Variants in PSPH observed in about 807,000 individuals in gnomAD.
The protein encoded by PSPH is L-3-phosphoserine phosphatase.
In PSPH, 16 loss-of-function variants were observed where a neutral mutation model predicts 23.4. That is an observed-to-expected ratio of 0.68 (90% CI 0.46 to 1.04). The LOEUF is 1.04. Among genes scored for constraint, PSPH ranks in the 50% least tolerant of loss-of-function variants. The pLI, the probability that PSPH is intolerant of heterozygous loss-of-function variation, is 0.00. For synonymous variants in PSPH, 68 were observed against 99.7 expected, an observed-to-expected ratio of 0.68 and a Z score of 1.89; for missense variants, 223 against 273.7, an observed-to-expected ratio of 0.81 and a Z score of 1.31.
intron 3 of PSPH, among the ~76,000 whole-genome samples, chr7:56,029,420 C>T: frequency 6.7e-6 from 1 of 150,176 alleles, no homozygotes; most frequent in Non-Finnish European, 1.5e-5. Context: ...CTGCCTTCTG[C>T]AGCTCAGAAC....
At position 56,028,794 on chromosome 7, in the gene PSPH, A is replaced by C. The variant is rs117234593; in HGVS notation, c.-20+3135T>G. Among the ~76,000 whole-genome samples, 1,512 of 151,754 alleles carry C rather than the reference A, an allele frequency of 1.0e-2. 11 individuals carry two copies. The highest frequency in any genetic ancestry group is 0.014 in the Non-Finnish European group (941 of 67,918). On this transcript the variant is annotated intron_variant, in intron 3 of 7. Transcript: ENST00000275605. ...TGCAAAATGGTGCACCTCCCTGTAC[A>C]CTTTTGATTTCCTCCTTCTTAATTT...
At chr7:56,044,215 T>C (rs36044787) in intron 1 of PSPH, among the ~76,000 whole-genome samples, 2,733 of 152,256 alleles carry the variant, frequency 0.018, 54 homozygotes, top group Admixed American at 0.048. Flanking sequence ...GTGCTGGGAT[T>C]ACAGGCATGA....
chr7:56,050,566 C>A (rs1400117142), intron 1 of PSPH, among the ~76,000 whole-genome samples: 1 of 152,148 alleles, frequency 6.6e-6, no homozygotes, highest in Admixed American at 6.6e-5. Flanking sequence ...CAGCCCTGGC[C>A]CCTAGTTGAG....
intron 3 of PSPH, among the ~76,000 whole-genome samples, chr7:56,031,027 A>T (rs1271468183): frequency 4.0e-5 from 6 of 151,042 alleles, no homozygotes; most frequent in African/African-American, 9.7e-5. Context: ...CTGGCTAACA[A>T]GGTGAAACCC....
chr7:56,024,714 C>T (rs1004807824), intron 3 of PSPH, among the ~76,000 whole-genome samples: 1 of 151,760 alleles, frequency 6.6e-6, no homozygotes, highest in Admixed American at 6.6e-5. Context: ...TGACACTGCA[C>T]TGCAGCCTGG....
intron 3 of PSPH, among the ~76,000 whole-genome samples, chr7:56,025,912 T>TA (rs1268072128): frequency 6.6e-6 from 1 of 152,240 alleles, no homozygotes; most frequent in East Asian, 1.9e-4. Flanking sequence ...TGTGTTTTTT[T>TA]ATTCCTCTAC....
intron 3 of PSPH, among the ~76,000 whole-genome samples, chr7:56,024,960 C>T (rs1398228566): frequency 5.9e-5 from 9 of 151,508 alleles, no homozygotes; most frequent in Admixed American, 4.0e-4. Context: ...CATGCCACCA[C>T]GCCCAGCTAA....
intron 1 of PSPH, among the ~76,000 whole-genome samples, chr7:56,046,829 A>G (rs1793315355): frequency 1.3e-5 from 2 of 150,628 alleles, no homozygotes; most frequent in Non-Finnish European, 3.0e-5. Flanking sequence ...GGCTAGGATT[A>G]TAGACATCAG....
chr7:56,017,105 A>G, intron 6 of PSPH, 129 bp downstream of exon 6: 1 of 1,497,672 alleles, frequency 6.7e-7, no homozygotes, highest in Non-Finnish European at 9.1e-7. Context: ...AAAGACATCA[A>G]TTAAGAGAAC....
chr7:56,038,417 C>A (rs1792027470), intron 1 of PSPH, among the ~76,000 whole-genome samples: 1 of 151,994 alleles, frequency 6.6e-6, no homozygotes, highest in Non-Finnish European at 1.5e-5. Flanking sequence ...GGAGATCGCG[C>A]CACTGCACTC....
chr7:56,016,000 A>G (rs1363534028), intron 6 of PSPH, among the ~76,000 whole-genome samples: 1 of 152,072 alleles, frequency 6.6e-6, no homozygotes, highest in Non-Finnish European at 1.5e-5. Flanking sequence ...TATGTCACCC[A>G]AGAGGAAATT....
At chr7:56,038,842 C>CA (rs199739447) in intron 1 of PSPH, among the ~76,000 whole-genome samples, 6 of 150,350 alleles carry the variant, frequency 4.0e-5, no homozygotes, top group Admixed American at 3.3e-4. Context: ...CTCCGTCCCC[C>CA]AAAAAAAAGA....
At chr7:56,015,287 T>C in intron 6 of PSPH, 116 bp from the exon 7 acceptor site, 1 of 1,193,418 alleles carries the variant, frequency 8.4e-7, no homozygotes, top group Non-Finnish European at 1.2e-6. Flanking sequence ...AAAATGGCCG[T>C]CGGTAAAGTC....
chr7:56,032,431 C>T (rs1225199462), intron 2 of PSPH, among the ~76,000 whole-genome samples: 1 of 146,630 alleles, frequency 6.8e-6, no homozygotes, highest in Admixed American at 6.8e-5. Context: ...GAGGCTAAGG[C>T]GGGCGGATCA....
rs934847371 is a variant in PSPH at position 56,013,477 on chromosome 7, C to T, written c.570+1546G>A. ...AGGCTGCAATGAGCTGAGATTGCACCACTGCACTCCGGCCTAGGTGACAGA... is the reference window on the plus strand; with the variant it reads ...AGGCTGCAATGAGCTGAGATTGCACTACTGCACTCCGGCCTAGGTGACAGA... On this transcript the variant is annotated intron_variant, in intron 7 of 7. Coordinates refer to ENST00000275605, the MANE Select transcript of PSPH (RefSeq NM_004577.4). Among the ~76,000 whole-genome samples the T allele has an allele frequency of 1.3e-4, 19 of 151,826 alleles. No homozygotes were observed. The South Asian group carries it at 1.5e-3, about 12-fold the overall frequency.
chr7:56,036,893 G>C (rs1250241558), intron 1 of PSPH, among the ~76,000 whole-genome samples: 1 of 152,064 alleles, frequency 6.6e-6, no homozygotes, highest in Non-Finnish European at 1.5e-5. Context: ...GCTTCATCAG[G>C]CCGGGCACAG....
chr7:56,031,312 TG>T (rs1790975929), intron 3 of PSPH, among the ~76,000 whole-genome samples: 1 of 152,040 alleles, frequency 6.6e-6, no homozygotes, highest in African/African-American at 2.4e-5. Context: ...AACTACCTAC[TG>T]GGTACTGCGC....
At position 56,021,087 on chromosome 7, in the gene PSPH, G is replaced by T; in HGVS notation, c.126C>A (p.Asp42Glu). The T allele has an allele frequency of 6.4e-7, 1 of 1,555,552 alleles. No individual in the cohort carries two copies. Among genetic ancestry groups the T allele is most frequent in the Non-Finnish European group, 8.7e-7 (1 of 1,153,556 alleles). The change falls in exon 4 of 8, where the codon GAC becomes GAA. Residue 42 changes from aspartate to glutamate, a missense_variant. Coordinates refer to ENST00000275605, the MANE Select transcript of PSPH (RefSeq NM_004577.4). ...DELAKICGVE[D>E]AVSEMTRRAM... ...GCTATCCCTACATTTCTGACACCGCGTCCTCAACGCCACAGATTTTGGCTA... is the reference window on the plus strand; with the variant it reads ...GCTATCCCTACATTTCTGACACCGCTTCCTCAACGCCACAGATTTTGGCTA...
intron 1 of PSPH, chr7:56,043,352 T>A (rs1792797476): frequency 6.6e-6 from 1 of 151,574 alleles, no homozygotes; most frequent in African/African-American, 2.4e-5. Context: ...AACCCAAACA[T>A]TAGAACAAAT....
Sources: allele counts gnomAD v4.1 joint callset (sites outside exome capture counted in the v4.1 genomes callset), GRCh38; gene constraint gnomAD v4.1.1; transcripts MANE v1.5; gene names NCBI Gene and HGNC (gene_info 2026-07-23, HGNC 2026-07-21).